PKP2: variants seen among roughly 807,000 people sequenced by gnomAD.
The protein encoded by PKP2 is plakophilin-2.
Under a neutral mutation model 83.4 loss-of-function variants are expected in PKP2, and 73 were observed. That is an observed-to-expected ratio of 0.88 (90% CI 0.72 to 1.06). The LOEUF is 1.06. Among genes scored for constraint, PKP2 ranks in the 50% least tolerant of loss-of-function variants. The probability of loss-of-function intolerance (pLI) is 0.00; values close to 1 mark genes in which losing one functional copy is unlikely to be tolerated. For missense variants in PKP2, 966 were observed against 1,065.4 expected, an observed-to-expected ratio of 0.91 and a Z score of 1.30; for synonymous variants, 409 against 430.4, an observed-to-expected ratio of 0.95 and a Z score of 0.62.
intron 6 of PKP2, among the ~76,000 whole-genome samples, chr12:32,833,046 C>A (rs1164300332): frequency 6.6e-6 from 1 of 152,122 alleles, no homozygotes; most frequent in Non-Finnish European, 1.5e-5. Flanking sequence ...AGTTTGAGAC[C>A]AGCCTGGCCA....
chr12:32,806,704 G>A (rs932283378), intron 9 of PKP2, among the ~76,000 whole-genome samples: 1 of 151,888 alleles, frequency 6.6e-6, no homozygotes, highest in African/African-American at 2.4e-5. Context: ...GTGTGTGTGT[G>A]TCTGTATCTC....
chr12:32,792,651 T>A lies in PKP2; in HGVS notation c.2438A>T (p.Tyr813Phe), dbSNP rs751287217. The change falls in exon 12 of 13, where the codon TAC becomes TTC. Residue 813 changes from tyrosine (Y) to phenylalanine (F), a missense_variant. By Grantham distance (22) the Tyr-to-Phe change is conservative (BLOSUM62 3). Transcript: ENST00000340811. ...LWAHTELHHAYKKAQFKKTDF... is the reference protein window; with the variant it reads ...LWAHTELHHAFKKAQFKKTDF... ...CCTTGTTCATGTTCTTACCTTCTTG[T>A]AGGCATGATGCAGTTCCGTGTGTGC... The A allele has an allele frequency of 2.5e-6, 4 of 1,613,448 alleles. No individual in the cohort carries two copies. The highest frequency in any genetic ancestry group is 3.4e-6 in the Non-Finnish European group (4 of 1,179,460).
chr12:32,821,204 C>A, intron 9 of PKP2, 152 bp downstream of exon 9: 2 of 719,534 alleles, frequency 2.8e-6, no homozygotes, highest in Non-Finnish European at 4.8e-6. Context: ...TTTGCATAAG[C>A]TGAGACCGAA....
intron 6 of PKP2, among the ~76,000 whole-genome samples, chr12:32,825,940 G>A (rs1388064848): frequency 2.0e-5 from 3 of 151,910 alleles, no homozygotes; most frequent in Non-Finnish European, 2.9e-5. Flanking sequence ...TTTCCAAAAG[G>A]CCTTCTGCCT....
In PKP2 at chr12:32,841,013, T is replaced by A; in HGVS notation, c.1556+15A>T. 1.2e-6 allele frequency: 2 copies of A among 1,605,554 alleles called. No homozygotes were observed. The highest frequency in any genetic ancestry group is 8.5e-7 in the Non-Finnish European group (1 of 1,173,728). ...TATTGCATCTTCTATCAGGGCAGGG[T>A]ACAGGTAGCATTACCTTAGGCATCC... On this transcript the variant is annotated intron_variant, in intron 6 of 12. Transcript: ENST00000340811.
intron 9 of PKP2, among the ~76,000 whole-genome samples, chr12:32,816,816 GA>G (rs1016493798): frequency 3.0e-5 from 2 of 67,642 alleles, no homozygotes; most frequent in African/African-American, 8.8e-5. Context: ...CTGTAGTTTT[GA>G]TTTGATAATT....
chr12:32,792,563 A>G (rs1592724444), intron 12 of PKP2, 71 bp from the exon 13 acceptor site: 1 of 1,550,900 alleles, frequency 6.4e-7, no homozygotes, highest in East Asian at 2.2e-5. Flanking sequence ...TTTTTTAGCG[A>G]TTTCTTCCCA....
rs139286787 is a variant in PKP2 at position 32,816,512 on chromosome 12, A to G, written c.2013+4844T>C. Among the ~76,000 whole-genome samples the G allele has an allele frequency of 1.3e-3, 204 of 152,254 alleles. 2 individuals are homozygous for G. The highest frequency in any genetic ancestry group is 4.6e-3 in the African/African-American group (190 of 41,550). On this transcript the variant is annotated intron_variant, in intron 9 of 12. Transcript: ENST00000340811. Reference sequence around the variant, plus strand: ...ACGGATGGGCACCCTGGTGGATTCCATGACTTTGCTATTGTGAATAGCATG... The same window carrying G: ...ACGGATGGGCACCCTGGTGGATTCCGTGACTTTGCTATTGTGAATAGCATG...
At position 32,793,613 on chromosome 12, in the gene PKP2, C is replaced by CTTTTTTTTTTTTTTT. The variant is rs35990527; in HGVS notation, c.2358-897_2358-883dup. On this transcript the variant is annotated intron_variant, in intron 11 of 12. Coordinates refer to ENST00000340811, the MANE Select transcript of PKP2 (RefSeq NM_001005242.3). ...ACTGTACTTAGTCTTTCATATTCTG[C>CTTTTTTTTTTTTTTT]TTTTTTTTTTTTTTTTTTTTTTTTG... 3.9e-5 allele frequency among the ~76,000 whole-genome samples: 3 copies of CTTTTTTTTTTTTTTT among 76,718 alleles called. 1 individual carries two copies. Among genetic ancestry groups the CTTTTTTTTTTTTTTT allele is most frequent in the Admixed American group, 3.7e-4 (2 of 5,390 alleles). 50.3% of individuals were successfully genotyped at this position (76,718 alleles called of 152,430 possible). A position where few individuals can be genotyped will look rare whatever the true frequency, so the allele number is the denominator to read the frequency against.
intron 11 of PKP2, among the ~76,000 whole-genome samples, chr12:32,793,247 T>C (rs781527915): frequency 1.4e-4 from 22 of 151,884 alleles, no homozygotes; most frequent in Non-Finnish European, 2.4e-4. Flanking sequence ...CTCAAAATAA[T>C]AATAATAATA....
At chr12:32,825,526 T>C (rs1212530528) in intron 6 of PKP2, among the ~76,000 whole-genome samples, 1 of 152,184 alleles carries the variant, frequency 6.6e-6, no homozygotes, top group Admixed American at 6.5e-5. Flanking sequence ...CAGGACTTTT[T>C]CTTTATAATG....
At chr12:32,894,264 CT>C (rs1175810803) in intron 1 of PKP2, 1 of 152,144 alleles carries the variant, frequency 6.6e-6, no homozygotes, top group Non-Finnish European at 1.5e-5. Context: ...ATTAGCCATT[CT>C]TTTGGGTCAC....
chr12:32,894,454 G>A (rs1957103635), intron 1 of PKP2: 1 of 152,196 alleles, frequency 6.6e-6, no homozygotes, highest in East Asian at 1.9e-4. Flanking sequence ...TTACTTTGTA[G>A]AAAGAACAGA....
In PKP2 at chr12:32,896,642, C is replaced by CA; in HGVS notation, c.89dup (p.Ala31GlyfsTer55). 6.4e-7 allele frequency: 1 copy of CA among 1,572,674 alleles called. No homozygotes were observed. The highest frequency in any genetic ancestry group is 8.6e-7 in the Non-Finnish European group (1 of 1,168,742). ...TCAGCTTGGCCTCGGAGGGCAGCGC[C>CA]AGGCTGGAGCTGTCCAGTTGTCCCA... On this transcript the variant is annotated frameshift_variant, in exon 1 of 13. Transcript: ENST00000340811. LOFTEE classifies it high-confidence loss of function.
intron 11 of PKP2, 90 bp downstream of exon 11, chr12:32,796,019 G>A (rs1302379186): frequency 4.4e-6 from 5 of 1,143,456 alleles, no homozygotes; most frequent in Non-Finnish European, 6.6e-6. Context: ...GCACATGATG[G>A]TCATGACCGC....
At chr12:32,885,481 C>G (rs1957022861) in intron 1 of PKP2, among the ~76,000 whole-genome samples, 1 of 152,122 alleles carries the variant, frequency 6.6e-6, no homozygotes, top group Non-Finnish European at 1.5e-5. Context: ...CGGGGAAAGC[C>G]TGTCTCTAAA....
intron 1 of PKP2, among the ~76,000 whole-genome samples, chr12:32,888,931 C>T (rs892209649): frequency 2.6e-5 from 4 of 152,038 alleles, no homozygotes; most frequent in African/African-American, 2.4e-5. Flanking sequence ...GCTGGGATTA[C>T]AGGAAAGAGC....
At chr12:32,809,412 G>T (rs1354853764) in intron 9 of PKP2, among the ~76,000 whole-genome samples, 2 of 152,138 alleles carry the variant, frequency 1.3e-5, no homozygotes, top group African/African-American at 4.8e-5. Context: ...CCACAGAAAT[G>T]GTAGCCACCC....
chr12:32,850,864 T>C lies in PKP2; in HGVS notation c.1280A>G (p.Asn427Ser), dbSNP rs1418435283. 2 of 1,613,970 alleles carry C rather than the reference T, an allele frequency of 1.2e-6. No homozygotes were observed. Among genetic ancestry groups the C allele is most frequent in the East Asian group, 2.2e-5 (1 of 44,882 alleles). ...GALRNLVFED[N>S]DNKLEVAELN... ...TTCAGCCACCTCCAATTTGTTGTCA[T>C]TGTCTTCAAATACTAAGTTTCTCAA... Residue 427 changes from asparagine (N) to serine (S), a missense_variant, in exon 5 of 13, where the codon AAT becomes AGT. Asn to Ser is a conservative substitution (Grantham distance 46). Coordinates refer to ENST00000340811, the MANE Select transcript of PKP2 (RefSeq NM_001005242.3).
Sources: gnomAD v4.1 joint callset for allele counts (sites outside exome capture counted in the v4.1 genomes callset) on GRCh38, gnomAD v4.1.1 for gene constraint, MANE v1.5 for transcripts, NCBI Gene and HGNC (gene_info 2026-07-23, HGNC 2026-07-21) for gene names.